The following ROBO1 variants were observed in gnomAD, a reference collection of about 807,000 sequenced individuals.
ROBO1 encodes roundabout homolog 1.
A neutral mutation model predicts 195.9 loss-of-function variants in ROBO1; 149 were observed. That is an observed-to-expected ratio of 0.76 (90% CI 0.67 to 0.87). The LOEUF is 0.87. Among genes scored for constraint, ROBO1 ranks in the 40% least tolerant of loss-of-function variants. The pLI, the probability that ROBO1 is intolerant of heterozygous loss-of-function variation, is 0.00. For synonymous variants in ROBO1, 816 were observed against 733.2 expected, an observed-to-expected ratio of 1.11 and a Z score of -1.82; for missense variants, 1,933 against 2,068.3, an observed-to-expected ratio of 0.93 and a Z score of 1.27.
intron 29 of ROBO1, among the ~76,000 whole-genome samples, chr3:78,603,816 T>A (rs1168028400): frequency 6.6e-6 from 1 of 152,170 alleles, no homozygotes; most frequent in African/African-American, 2.4e-5. Flanking sequence ...TATAAAATAA[T>A]AACTCATCAG....
At chr3:79,175,470 T>A (rs1318695873) in intron 2 of ROBO1, among the ~76,000 whole-genome samples, 1 of 152,206 alleles carries the variant, frequency 6.6e-6, no homozygotes, top group Non-Finnish European at 1.5e-5. Flanking sequence ...TCATAATTTA[T>A]CTACTTGGAT....
At chr3:78,603,121 C>G (rs1487734033) in intron 29 of ROBO1, among the ~76,000 whole-genome samples, 1 of 152,158 alleles carries the variant, frequency 6.6e-6, no homozygotes, top group African/African-American at 2.4e-5. Context: ...CATCCTTGAG[C>G]TATTCCCCTC....
At chr3:79,021,338 G>A (rs1042069132) in intron 3 of ROBO1, among the ~76,000 whole-genome samples, 2 of 152,168 alleles carry the variant, frequency 1.3e-5, no homozygotes, top group Admixed American at 6.5e-5. Context: ...ACACTAAAGT[G>A]TAGTACTTGA....
chr3:78,624,068 G>A (rs1273964262), intron 26 of ROBO1, among the ~76,000 whole-genome samples: 1 of 152,060 alleles, frequency 6.6e-6, no homozygotes, highest in Non-Finnish European at 1.5e-5. Context: ...GTTAAATAGA[G>A]TTACACACTT....
At chr3:79,444,951 A>G (rs1241900469) in intron 2 of ROBO1, among the ~76,000 whole-genome samples, 4 of 151,802 alleles carry the variant, frequency 2.6e-5, no homozygotes, top group Non-Finnish European at 5.9e-5. Flanking sequence ...TAATACAATA[A>G]AAGTGATGAG....
chr3:79,155,213 A>G (rs1046424587), intron 2 of ROBO1, among the ~76,000 whole-genome samples: 1 of 151,346 alleles, frequency 6.6e-6, no homozygotes, highest in East Asian at 1.9e-4. Context: ...CTGGATTGCT[A>G]TATTGCTTGC....
intron 3 of ROBO1, among the ~76,000 whole-genome samples, chr3:79,110,063 A>C (rs1028683247): frequency 6.6e-6 from 1 of 152,042 alleles, no homozygotes. Context: ...AGTGTGTCAA[A>C]TTAGGAAAAT....
At chr3:79,207,627 T>C (rs2108793971) in intron 2 of ROBO1, among the ~76,000 whole-genome samples, 1 of 152,244 alleles carries the variant, frequency 6.6e-6, no homozygotes, top group Non-Finnish European at 1.5e-5. Flanking sequence ...GCCAATGCTA[T>C]CCCTCTATTT....
intron 2 of ROBO1, among the ~76,000 whole-genome samples, chr3:79,291,721 C>T (rs2032262701): frequency 6.6e-6 from 1 of 152,128 alleles, no homozygotes; most frequent in African/African-American, 2.4e-5. Context: ...ATTCTGGTTA[C>T]TTTTGGGCAC....
chr3:78,662,064 G>GCT lies in ROBO1; in HGVS notation c.2015_2016dup (p.Leu673SerfsTer26). 1 of 1,588,252 alleles carries GCT rather than the reference G, an allele frequency of 6.3e-7. No individual in the cohort carries two copies. The highest frequency in any genetic ancestry group is 8.6e-7 in the Non-Finnish European group (1 of 1,166,516). Reference sequence around the variant, plus strand: ...TGGAGGTGCAGAACAGCATTTCCCAGCTCTCTCTGGACCTGCTTGTGGTCC... The same window carrying GCT: ...TGGAGGTGCAGAACAGCATTTCCCAGCTCTCTCTCTGGACCTGCTTGTGGTCC... On this transcript the variant is annotated frameshift_variant, in exon 15 of 31. Transcript: ENST00000464233. LOFTEE classifies it high-confidence loss of function.
chr3:79,502,519 C>G (rs1212093013), intron 2 of ROBO1, among the ~76,000 whole-genome samples: 1 of 152,066 alleles, frequency 6.6e-6, no homozygotes. Flanking sequence ...GCCATGGGCT[C>G]CTGCACGGCC....
At chr3:79,205,515 T>C (rs544042580) in intron 2 of ROBO1, among the ~76,000 whole-genome samples, 1 of 152,178 alleles carries the variant, frequency 6.6e-6, no homozygotes, top group South Asian at 2.1e-4. Flanking sequence ...ATAATGATTA[T>C]CATTGTTGAA....
intron 1 of ROBO1, among the ~76,000 whole-genome samples, chr3:79,639,497 C>T (rs1576161872): frequency 6.6e-6 from 1 of 152,110 alleles, no homozygotes; most frequent in East Asian, 1.9e-4. Flanking sequence ...TGGAAAAAAA[C>T]TCATAAGCAA....
intron 3 of ROBO1, among the ~76,000 whole-genome samples, chr3:79,022,414 A>G (rs1266662154): frequency 6.6e-6 from 1 of 152,200 alleles, no homozygotes; most frequent in African/African-American, 2.4e-5. Flanking sequence ...ACAAAGTGCC[A>G]TTCAGGTTAA....
intron 2 of ROBO1, among the ~76,000 whole-genome samples, chr3:79,465,824 A>T (rs1295453550): frequency 6.6e-6 from 1 of 152,118 alleles, no homozygotes; most frequent in Non-Finnish European, 1.5e-5. Flanking sequence ...ATGGAATGGA[A>T]GACTCTCATT....
At chr3:78,790,896 A>C in intron 4 of ROBO1, among the ~76,000 whole-genome samples, 1 of 152,186 alleles carries the variant, frequency 6.6e-6, no homozygotes, top group Non-Finnish European at 1.5e-5. Context: ...AGGGAAGGAA[A>C]ATGCCATTTA....
intron 2 of ROBO1, among the ~76,000 whole-genome samples, chr3:79,395,602 T>G (rs1311358137): frequency 6.6e-6 from 1 of 152,092 alleles, no homozygotes; most frequent in Admixed American, 6.5e-5. Context: ...AAATTGTAAC[T>G]GCTATTAGTA....
chr3:78,664,003 C>A (rs1018268423), intron 14 of ROBO1, among the ~76,000 whole-genome samples: 2 of 152,152 alleles, frequency 1.3e-5, no homozygotes, highest in African/African-American at 4.8e-5. Context: ...ACCTACCAGT[C>A]AGTTCCTTCA....
At chr3:78,945,913 G>A (rs1480045883) in intron 3 of ROBO1, among the ~76,000 whole-genome samples, 2 of 151,908 alleles carry the variant, frequency 1.3e-5, no homozygotes, top group Non-Finnish European at 2.9e-5. Flanking sequence ...GGAAGAAAGG[G>A]TATCAGTGAT....
Sources: gnomAD v4.1 joint callset for allele counts (sites outside exome capture counted in the v4.1 genomes callset) on GRCh38, gnomAD v4.1.1 for gene constraint, MANE v1.5 for transcripts, NCBI Gene and HGNC (gene_info 2026-07-23, HGNC 2026-07-21) for gene names.